Variants in LRRTM4 observed in about 807,000 individuals in gnomAD.
LRRTM4 encodes leucine rich repeat transmembrane neuronal 4.
Under a neutral mutation model 47.6 loss-of-function variants are expected in LRRTM4, and 25 were observed. The observed-to-expected ratio is 0.53, with a 90% CI of 0.38 to 0.73. The LOEUF is 0.73. LRRTM4 is among the 30% of genes least tolerant of loss of function. LRRTM4 has a pLI of 0.00. For missense variants in LRRTM4, 638 were observed against 713.4 expected, an observed-to-expected ratio of 0.89 and a Z score of 1.20; for synonymous variants, 311 against 269.5, an observed-to-expected ratio of 1.15 and a Z score of -1.51.
At chr2:77,275,614 G>C (rs1391929670) in intron 3 of LRRTM4, among the ~76,000 whole-genome samples, 3 of 151,980 alleles carry the variant, frequency 2.0e-5, no homozygotes, top group African/African-American at 7.2e-5. Flanking sequence ...ATCTTGCTTG[G>C]CTACCCTCCG....
intron 3 of LRRTM4, among the ~76,000 whole-genome samples, chr2:77,092,583 A>G (rs1463076299): frequency 2.8e-5 from 4 of 141,970 alleles, no homozygotes; most frequent in South Asian, 2.2e-4. Context: ...ATTTGCCCCC[A>G]CCCAGGACTG....
chr2:76,884,733 G>A (rs764297836), intron 3 of LRRTM4, among the ~76,000 whole-genome samples: 2 of 152,076 alleles, frequency 1.3e-5, no homozygotes, highest in Non-Finnish European at 2.9e-5. Flanking sequence ...TATGTCAAAA[G>A]CTTTTAAAAT....
At chr2:77,039,154 C>T (rs935577082) in intron 3 of LRRTM4, among the ~76,000 whole-genome samples, 2 of 150,700 alleles carry the variant, frequency 1.3e-5, no homozygotes, top group African/African-American at 4.9e-5. Context: ...TATTACATAC[C>T]TAAGTTTTAA....
intron 3 of LRRTM4, among the ~76,000 whole-genome samples, chr2:77,046,550 A>G (rs151063530): frequency 6.6e-6 from 1 of 151,990 alleles, no homozygotes; most frequent in Non-Finnish European, 1.5e-5. Context: ...TGGCAGAATG[A>G]CTAGAGTATA....
chr2:77,024,873 G>T (rs1542186), intron 3 of LRRTM4, among the ~76,000 whole-genome samples: 23 of 152,012 alleles, frequency 1.5e-4, no homozygotes, highest in Admixed American at 1.2e-3. Flanking sequence ...ATATCTTGTT[G>T]GAAATGTAGG....
intron 3 of LRRTM4, among the ~76,000 whole-genome samples, chr2:77,286,540 A>T (rs1253356851): frequency 6.6e-6 from 1 of 151,866 alleles, no homozygotes; most frequent in Non-Finnish European, 1.5e-5. Context: ...ATAAAATGCA[A>T]ATGATTTTTT....
chr2:77,493,690 C>T (rs1009576815), intron 3 of LRRTM4, among the ~76,000 whole-genome samples: 2 of 152,030 alleles, frequency 1.3e-5, no homozygotes, highest in East Asian at 3.9e-4. Flanking sequence ...TATCTTTCCC[C>T]CAAAAGTTGC....
intron 3 of LRRTM4, among the ~76,000 whole-genome samples, chr2:76,846,813 A>C (rs1486039433): frequency 6.6e-6 from 1 of 152,340 alleles, no homozygotes; most frequent in East Asian, 1.9e-4. Flanking sequence ...TGGGTTTCCT[A>C]GAAATTTTCA....
intron 3 of LRRTM4, among the ~76,000 whole-genome samples, chr2:77,455,381 A>C (rs1272475872): frequency 6.6e-6 from 1 of 152,164 alleles, no homozygotes; most frequent in Non-Finnish European, 1.5e-5. Flanking sequence ...ATCAGTTATC[A>C]GTAATTTTTT....
rs1001570589 is a variant in LRRTM4 at position 77,521,601 on chromosome 2, C to T, written c.4+67G>A. The T allele has an allele frequency of 1.3e-5, 21 of 1,597,024 alleles. No homozygotes were observed. In the South Asian group the frequency reaches 2.1e-4, roughly 16 times the overall value. On this transcript the variant is annotated intron_variant, in intron 2 of 3. Coordinates refer to ENST00000409884, the MANE Select transcript of LRRTM4 (RefSeq NM_001134745.3). ...TTCCCCGTCTTTTATCTGCTAATGC[C>T]ACGACTGAGGATAGGAAGCCAAGAG... is the stretch of plus-strand genomic sequence containing the variant.
chr2:76,837,777 T>C (rs968560198), intron 3 of LRRTM4, among the ~76,000 whole-genome samples: 6 of 152,132 alleles, frequency 3.9e-5, no homozygotes, highest in Non-Finnish European at 8.8e-5. Flanking sequence ...TGAGTTCATG[T>C]CCTTTGTAGG....
At chr2:77,485,981 C>T (rs563106298) in intron 3 of LRRTM4, among the ~76,000 whole-genome samples, 11 of 152,000 alleles carry the variant, frequency 7.2e-5, no homozygotes, top group East Asian at 1.9e-4. Context: ...TCAAGCTATC[C>T]GTCTGCCTCA....
intron 3 of LRRTM4, among the ~76,000 whole-genome samples, chr2:76,964,169 C>G (rs1675949513): frequency 6.6e-6 from 1 of 150,678 alleles, no homozygotes; most frequent in African/African-American, 2.4e-5. Context: ...TAGCTGTGAC[C>G]CTAATAGCAC....
At chr2:77,128,139 T>C (rs1215424068) in intron 3 of LRRTM4, among the ~76,000 whole-genome samples, 8 of 85,158 alleles carry the variant, frequency 9.4e-5, no homozygotes, top group African/African-American at 2.0e-4. Flanking sequence ...CGAGACTCTG[T>C]CTCAAAAAAA....
At chr2:77,175,955 G>A (rs906407596) in intron 3 of LRRTM4, among the ~76,000 whole-genome samples, 2 of 150,818 alleles carry the variant, frequency 1.3e-5, no homozygotes, top group African/African-American at 4.9e-5. Flanking sequence ...CACTGCGCCC[G>A]CTACTCCCGT....
intron 3 of LRRTM4, among the ~76,000 whole-genome samples, chr2:77,503,885 TGTG>T (rs1212949361): frequency 6.6e-6 from 1 of 151,676 alleles, no homozygotes; most frequent in African/African-American, 2.4e-5. Flanking sequence ...AATTATAAAA[TGTG>T]GTGATGATGA....
intron 3 of LRRTM4, among the ~76,000 whole-genome samples, chr2:77,467,302 G>A (rs1261747071): frequency 6.6e-6 from 1 of 152,018 alleles, no homozygotes; most frequent in Non-Finnish European, 1.5e-5. Flanking sequence ...ACGAGTGACA[G>A]CAAGACTCAG....
intron 3 of LRRTM4, among the ~76,000 whole-genome samples, chr2:76,842,979 G>C (rs754683335): frequency 2.0e-5 from 3 of 152,166 alleles, no homozygotes; most frequent in Non-Finnish European, 4.4e-5. Flanking sequence ...GAGGCAAAGA[G>C]AAATTTATGT....
intron 3 of LRRTM4, among the ~76,000 whole-genome samples, chr2:77,475,852 A>G (rs967681526): frequency 2.0e-5 from 3 of 151,830 alleles, no homozygotes; most frequent in Non-Finnish European, 2.9e-5. Flanking sequence ...TTGTCAATTT[A>G]TATTTCTTTT....
Sources: gnomAD v4.1 joint callset for allele counts (sites outside exome capture counted in the v4.1 genomes callset) on GRCh38, gnomAD v4.1.1 for gene constraint, MANE v1.5 for transcripts, NCBI Gene and HGNC (gene_info 2026-07-23, HGNC 2026-07-21) for gene names.